TRIM42: variants seen among roughly 807,000 people sequenced by gnomAD.
TRIM42 encodes tripartite motif containing 42.
A neutral mutation model predicts 64.9 loss-of-function variants in TRIM42; 59 were observed. The ratio of observed to expected loss-of-function variants is 0.91; its 90% CI spans 0.74 to 1.13. The LOEUF (loss-of-function observed/expected upper bound fraction) is 1.13. Ranked by LOEUF, TRIM42 falls within the 50% of genes most tolerant of loss-of-function variation. The probability of loss-of-function intolerance (pLI) is 0.00; values close to 1 mark genes in which losing one functional copy is unlikely to be tolerated. For synonymous variants in TRIM42, 354 were observed against 346.3 expected, an observed-to-expected ratio of 1.02 and a Z score of -0.25; for missense variants, 878 against 929.5, an observed-to-expected ratio of 0.94 and a Z score of 0.72.
At chr3:140,681,182 A>G (rs1988384408) in intron 1 of TRIM42, among the ~76,000 whole-genome samples, 1 of 152,230 alleles carries the variant, frequency 6.6e-6, no homozygotes, top group Admixed American at 6.5e-5. Context: ...ACAAATGGAG[A>G]GCCTTAACAC....
At chr3:140,692,641 C>T (rs186155116) in intron 4 of TRIM42, among the ~76,000 whole-genome samples, 4 of 152,178 alleles carry the variant, frequency 2.6e-5, no homozygotes, top group Non-Finnish European at 5.9e-5. Flanking sequence ...CTGCTAGCCA[C>T]TCCTCCTGCC....
intron 1 of TRIM42, among the ~76,000 whole-genome samples, chr3:140,679,180 A>C (rs1206699263): frequency 6.6e-6 from 1 of 152,196 alleles, no homozygotes; most frequent in African/African-American, 2.4e-5. Context: ...TTAATGGAAA[A>C]GAAAGAACTT....
chr3:140,685,086 T>C (rs1988515680), intron 2 of TRIM42, among the ~76,000 whole-genome samples: 1 of 152,208 alleles, frequency 6.6e-6, no homozygotes, highest in Admixed American at 6.5e-5. Flanking sequence ...TAACCTTTCA[T>C]CCTTGCTGAA....
chr3:140,683,237 A>C lies in TRIM42; in HGVS notation c.1039+78A>C, dbSNP rs908645529. The C allele has an allele frequency of 2.1e-6, 3 of 1,448,768 alleles. No individual in the cohort carries two copies. The African/African-American group carries it at 4.2e-5, about 20-fold the overall frequency. The allele number at this position is 1,448,768 out of a possible 1,614,324, so 89.7% of individuals were successfully genotyped here. On this transcript the variant is annotated intron_variant, in intron 2 of 4. Transcript: ENST00000286349. Reference sequence around the variant, plus strand: ...GGAAGATGGCGTGGGGTAATCTGTTAAGTGAGTGCCTTAACAGATTCCACC... The same window carrying C: ...GGAAGATGGCGTGGGGTAATCTGTTCAGTGAGTGCCTTAACAGATTCCACC...
At chr3:140,683,202 G>T in intron 2 of TRIM42, 43 bp downstream of exon 2, 2 of 1,596,082 alleles carry the variant, frequency 1.3e-6, no homozygotes, top group Non-Finnish European at 1.7e-6. Context: ...TCTAGTTCAG[G>T]AACACATGGG....
rs1988253344 is a variant in TRIM42, at chr3:140,678,178, G to A, written c.-52G>A. 1 of 1,482,316 alleles carries A rather than the reference G, an allele frequency of 6.7e-7. No homozygotes were observed. Among genetic ancestry groups the A allele is most frequent in the Non-Finnish European group, 9.3e-7 (1 of 1,070,610 alleles). The allele number at this position is 1,482,316 out of a possible 1,614,324, so 91.8% of individuals were successfully genotyped here. ...CTGGAGAACTGATAGCAGTATTCTG[G>A]TAGAGGAGGCATCAAGAGTCCTGGG... On this transcript the variant is annotated 5_prime_UTR_variant, in exon 1 of 5. Coordinates refer to ENST00000286349, the MANE Select transcript of TRIM42 (RefSeq NM_152616.5).
intron 4 of TRIM42, among the ~76,000 whole-genome samples, chr3:140,699,291 T>G (rs1227640847): frequency 6.6e-6 from 1 of 152,218 alleles, no homozygotes; most frequent in East Asian, 1.9e-4. Context: ...CTCAATTTTT[T>G]GCTTATATTG....
chr3:140,678,359 TAC>T lies in TRIM42; in HGVS notation c.132_133del (p.Tyr44Ter), dbSNP rs751878984. On this transcript the variant is annotated frameshift_variant, in exon 1 of 5. Coordinates refer to ENST00000286349, the MANE Select transcript of TRIM42 (RefSeq NM_152616.5). LOFTEE classifies it high-confidence loss of function. ...GAACTGCACCTGCTTCCCCTGCCCT[TAC>T]AAAGATGAGCGGAACTGCCAGTTCT... ...ERNCTCFPCPYKDERNCQFCH... is the reference protein window; with the variant it reads ...ERNCTCFPCPXKDERNCQFCH... The T allele has an allele frequency of 6.2e-7, 1 of 1,614,184 alleles. No homozygotes were observed. Among genetic ancestry groups the T allele is most frequent in the East Asian group, 2.2e-5 (1 of 44,884 alleles).
rs765116942 is a variant in TRIM42 at position 140,680,993 on chromosome 3, G to C, written c.342-1469G>C. ...CAAATATTATTATGCAAACAGAGGA[G>C]ATAGCAATAGCAGCAAATTGTGTGC... On this transcript the variant is annotated intron_variant, in intron 1 of 4. Coordinates refer to ENST00000286349, the MANE Select transcript of TRIM42 (RefSeq NM_152616.5). Among the ~76,000 whole-genome samples the C allele has an allele frequency of 5.3e-5, 8 of 152,216 alleles. 1 individual carries two copies. The highest frequency in any genetic ancestry group is 1.2e-4 in the Non-Finnish European group (8 of 68,048).
intron 4 of TRIM42, among the ~76,000 whole-genome samples, chr3:140,696,611 C>G (rs1047061642): frequency 6.6e-6 from 1 of 152,214 alleles, no homozygotes; most frequent in Non-Finnish European, 1.5e-5. Context: ...TTGCACAGTT[C>G]TTGAGGCTGG....
chr3:140,696,449 G>T (rs1317459368), intron 4 of TRIM42, among the ~76,000 whole-genome samples: 1 of 152,308 alleles, frequency 6.6e-6, no homozygotes, highest in East Asian at 1.9e-4. Flanking sequence ...TGGACACCCA[G>T]GTGACCTCCA....
intron 1 of TRIM42, among the ~76,000 whole-genome samples, chr3:140,682,035 C>A (rs1182713265): frequency 6.6e-6 from 1 of 152,140 alleles, no homozygotes; most frequent in Admixed American, 6.5e-5. Flanking sequence ...GTGGCCTTGT[C>A]TCATATTGTG....
intron 4 of TRIM42, among the ~76,000 whole-genome samples, chr3:140,691,807 A>T (rs1988722383): frequency 6.6e-6 from 1 of 152,318 alleles, no homozygotes; most frequent in Non-Finnish European, 1.5e-5. Flanking sequence ...ACTCTTCTTT[A>T]TATCTCCAGG....
Position 140,688,311 on chromosome 3 carries a change from C to A in TRIM42, c.1629C>A (p.Ser543Arg). ...YQRSSSMLSF[S>R]NTDKKAKVGL... Reference sequence around the variant, plus strand: ...GAAGCTCCTCCATGTTGTCCTTCAGCAACACTGACAAGAAGGCCAAGGTGG... The same window carrying A: ...GAAGCTCCTCCATGTTGTCCTTCAGAAACACTGACAAGAAGGCCAAGGTGG... Residue 543 changes from serine to arginine, a missense_variant, in exon 3 of 5, where the codon AGC becomes AGA. By Grantham distance (110) the Ser-to-Arg change is moderately radical. Transcript: ENST00000286349. 6.2e-7 allele frequency: 1 copy of A among 1,614,198 alleles called. No homozygotes were observed. The highest frequency in any genetic ancestry group is 1.1e-5 in the South Asian group (1 of 91,080).
At chr3:140,690,919 C>T in intron 3 of TRIM42, 49 bp from the exon 4 acceptor site, 1 of 1,451,472 alleles carries the variant, frequency 6.9e-7, no homozygotes, top group African/African-American at 1.4e-5. Flanking sequence ...GGAAAGAAAG[C>T]TGAATGATGT....
chr3:140,678,857 T>C (rs1190197278), intron 1 of TRIM42, among the ~76,000 whole-genome samples: 1 of 152,170 alleles, frequency 6.6e-6, no homozygotes, highest in East Asian at 1.9e-4. Context: ...TACTTAGTGC[T>C]TAAGGAACTT....
At chr3:140,682,221 T>C (rs1175366787) in intron 1 of TRIM42, among the ~76,000 whole-genome samples, 2 of 152,158 alleles carry the variant, frequency 1.3e-5, no homozygotes, top group Non-Finnish European at 2.9e-5. Context: ...AGAAACTCTA[T>C]GACATAGGTA....
Position 140,687,883 on chromosome 3 carries a change from C to G in TRIM42, c.1201C>G (p.Leu401Val). 1 of 1,614,216 alleles carries G rather than the reference C, an allele frequency of 6.2e-7. No homozygotes were observed. The highest frequency in any genetic ancestry group is 8.5e-7 in the Non-Finnish European group (1 of 1,180,040). The change falls in exon 3 of 5, where the codon CTA (leucine) becomes GTA (valine). Residue 401 changes from leucine to valine, a missense_variant. Leu to Val is a conservative substitution (Grantham distance 32). Transcript: ENST00000286349. ...GATCATCATGGAGCAGATAGAGAAT[C>G]TAGAAGTGTCCAGGCAGAAGGAAAT... ...EKIIMEQIEN[L>V]EVSRQKEIEK... is the part of the protein sequence containing the mutation.
At position 140,687,886 on chromosome 3, in the gene TRIM42, G is replaced by C; in HGVS notation, c.1204G>C (p.Glu402Gln). ...KIIMEQIENL[E>Q]VSRQKEIEKY... The stretch of plus-strand genomic sequence containing the variant: ...CATCATGGAGCAGATAGAGAATCTA[G>C]AAGTGTCCAGGCAGAAGGAAATTGA... Residue 402 changes from glutamate (E) to glutamine (Q), a missense_variant, in exon 3 of 5, where the codon GAA becomes CAA. By Grantham distance (29) the Glu-to-Gln change is conservative. Coordinates refer to ENST00000286349, the MANE Select transcript of TRIM42 (RefSeq NM_152616.5). 6.2e-7 allele frequency: 1 copy of C among 1,614,190 alleles called. No homozygotes were observed. The highest frequency in any genetic ancestry group is 8.5e-7 in the Non-Finnish European group (1 of 1,180,028).
Sources: allele counts gnomAD v4.1 joint callset (sites outside exome capture counted in the v4.1 genomes callset), GRCh38; gene constraint gnomAD v4.1.1; transcripts MANE v1.5; gene names NCBI Gene and HGNC (gene_info 2026-07-23, HGNC 2026-07-21).